Variants in NALCN observed in about 807,000 individuals in gnomAD.
The protein encoded by NALCN is sodium leak channel NALCN.
In NALCN, 111 loss-of-function variants were observed where a neutral mutation model predicts 225.3. The observed-to-expected ratio is 0.49, with a 90% CI of 0.42 to 0.58. The LOEUF is 0.58. Among genes scored for constraint, NALCN ranks in the 20% least tolerant of loss-of-function variants. The probability of loss-of-function intolerance (pLI) is 0.00; values close to 1 mark genes in which losing one functional copy is unlikely to be tolerated. For synonymous variants in NALCN, 764 were observed against 769.0 expected, an observed-to-expected ratio of 0.99 and a Z score of 0.11; for missense variants, 1,378 against 2,202.4, an observed-to-expected ratio of 0.63 and a Z score of 7.49.
chr13:101,083,336 T>G, intron 31 of NALCN, 138 bp from the exon 32 acceptor site: 2 of 721,924 alleles, frequency 2.8e-6, no homozygotes, highest in Non-Finnish European at 4.5e-6. Context: ...TGAGGTGTTT[T>G]TGCAGCAATG....
chr13:101,159,923 G>GT (rs956563738), intron 15 of NALCN, among the ~76,000 whole-genome samples: 21 of 150,622 alleles, frequency 1.4e-4, no homozygotes, highest in South Asian at 2.2e-4. Context: ...GAGAGAGAAG[G>GT]TTTTTTTTGT....
chr13:101,287,779 C>T (rs1175321160), intron 9 of NALCN, among the ~76,000 whole-genome samples: 1 of 152,218 alleles, frequency 6.6e-6, no homozygotes, highest in Non-Finnish European at 1.5e-5. Context: ...TATAACTGGT[C>T]GGTTGGTTTG....
At chr13:101,210,498 T>A (rs2140073410) in intron 13 of NALCN, among the ~76,000 whole-genome samples, 1 of 152,270 alleles carries the variant, frequency 6.6e-6, no homozygotes, top group African/African-American at 2.4e-5. Context: ...ACTTGTCGGT[T>A]TGTCTTATTT....
chr13:101,304,236 T>C (rs1344707268), intron 7 of NALCN, among the ~76,000 whole-genome samples: 3 of 152,116 alleles, frequency 2.0e-5, no homozygotes, highest in Non-Finnish European at 2.9e-5. Context: ...ATGTAAAGAC[T>C]TTTTTGTTAT....
intron 15 of NALCN, among the ~76,000 whole-genome samples, chr13:101,165,330 T>A (rs557198953): frequency 6.6e-6 from 1 of 152,194 alleles, no homozygotes; most frequent in Non-Finnish European, 1.5e-5. Context: ...GCAACCCAGC[T>A]CTGTATCATC....
At chr13:101,246,069 T>A (rs1183365564) in intron 11 of NALCN, among the ~76,000 whole-genome samples, 1 of 152,176 alleles carries the variant, frequency 6.6e-6, no homozygotes, top group Non-Finnish European at 1.5e-5. Context: ...ACTTTCACTT[T>A]CAATAAATCT....
chr13:101,387,046 C>A (rs1011500737), intron 3 of NALCN, among the ~76,000 whole-genome samples: 1 of 150,912 alleles, frequency 6.6e-6, no homozygotes, highest in Non-Finnish European at 1.5e-5. Flanking sequence ...AAGGTGAAAC[C>A]CCGTCTCTAC....
At chr13:101,246,923 A>C (rs899117457) in intron 11 of NALCN, among the ~76,000 whole-genome samples, 18 of 152,228 alleles carry the variant, frequency 1.2e-4, no homozygotes, top group Non-Finnish European at 2.6e-4. Context: ...CGGCAAAATG[A>C]GTTCATGATT....
At chr13:101,071,116 A>G (rs779606779) in intron 37 of NALCN, among the ~76,000 whole-genome samples, 3 of 152,208 alleles carry the variant, frequency 2.0e-5, no homozygotes, top group South Asian at 2.1e-4. Context: ...CCCTCCCACG[A>G]CACATGGAGA....
intron 3 of NALCN, among the ~76,000 whole-genome samples, chr13:101,390,199 A>T (rs2047105910): frequency 6.6e-6 from 1 of 152,148 alleles, no homozygotes; most frequent in Non-Finnish European, 1.5e-5. Flanking sequence ...AATTTAAACA[A>T]ATAGAAGCTC....
intron 18 of NALCN, chr13:101,116,492 T>C (rs1263082653): frequency 5.8e-6 from 3 of 517,364 alleles, no homozygotes; most frequent in South Asian, 4.2e-5. Context: ...ACTAGTTGTT[T>C]ATAGACACAG....
chr13:101,083,645 C>A, intron 31 of NALCN, 66 bp downstream of exon 31: 1 of 1,486,912 alleles, frequency 6.7e-7, no homozygotes. Context: ...TAATTTAAAT[C>A]TGAGACTCCT....
At chr13:101,340,193 A>C (rs2045511975) in intron 7 of NALCN, among the ~76,000 whole-genome samples, 1 of 151,862 alleles carries the variant, frequency 6.6e-6, no homozygotes, top group Non-Finnish European at 1.5e-5. Context: ...GCTTGAACCC[A>C]GGAGGCAAAG....
chr13:101,363,612 C>T (rs1456463743), intron 6 of NALCN, among the ~76,000 whole-genome samples: 2 of 152,086 alleles, frequency 1.3e-5, no homozygotes, highest in African/African-American at 4.8e-5. Flanking sequence ...AATCTAAGAA[C>T]TGAATCTATG....
chr13:101,345,795 G>A (rs1270043011), intron 6 of NALCN, among the ~76,000 whole-genome samples: 1 of 136,044 alleles, frequency 7.4e-6, no homozygotes, highest in Non-Finnish European at 1.6e-5. Flanking sequence ...GAGAGAGAAA[G>A]AGAGACCTTG....
chr13:101,114,839 C>T (rs7323207), intron 18 of NALCN, among the ~76,000 whole-genome samples: 8 of 152,148 alleles, frequency 5.3e-5, no homozygotes, highest in African/African-American at 1.9e-4. Context: ...GCTTGCACAG[C>T]CCCGTTTAGT....
Position 101,292,190 on chromosome 13 carries a change from A to G in NALCN, c.942+34T>C. On this transcript the variant is annotated intron_variant, in intron 8 of 43. Coordinates refer to ENST00000251127, the MANE Select transcript of NALCN (RefSeq NM_052867.4). This position sits in a 1 kb window ranked among gnomAD's most constrained non-coding sequence, Gnocchi z 4.3. ...AAAAGATCTGCAGAACTATCACAGA[A>G]CATAGACTTTCTTAGTACAATTCTT... is the stretch of plus-strand genomic sequence containing the variant. The G allele has an allele frequency of 6.2e-7, 1 of 1,613,332 alleles. No individual in the cohort carries two copies. The highest frequency in any genetic ancestry group is 8.5e-7 in the Non-Finnish European group (1 of 1,179,566).
At chr13:101,342,652 C>T (rs949583432) in intron 7 of NALCN, among the ~76,000 whole-genome samples, 4 of 152,134 alleles carry the variant, frequency 2.6e-5, no homozygotes, top group African/African-American at 9.7e-5. Flanking sequence ...GTTAGATGCC[C>T]AGTCCTGTGA....
intron 9 of NALCN, among the ~76,000 whole-genome samples, chr13:101,285,312 T>G (rs983081698): frequency 3.3e-5 from 5 of 152,188 alleles, no homozygotes; most frequent in Middle Eastern, 3.4e-3. Context: ...TATTTATTTT[T>G]GGGGGGAGAT....
Sources: allele counts gnomAD v4.1 joint callset (sites outside exome capture counted in the v4.1 genomes callset), GRCh38; gene constraint gnomAD v4.1.1; non-coding constraint Gnocchi (gnomAD v3.1); transcripts MANE v1.5; gene names NCBI Gene and HGNC (gene_info 2026-07-23, HGNC 2026-07-21).